The following DDR2 variants were observed in gnomAD, a reference collection of about 807,000 sequenced individuals.
DDR2 encodes the protein discoidin domain-containing receptor 2.
A neutral mutation model predicts 94.9 loss-of-function variants in DDR2; 27 were observed. That is an observed-to-expected ratio of 0.28 (90% CI 0.21 to 0.39). The LOEUF (loss-of-function observed/expected upper bound fraction) is 0.39, where lower values mean the gene tolerates loss of function less well. DDR2 is among the 10% of genes least tolerant of loss of function. The pLI is 1.00. For synonymous variants in DDR2, 382 were observed against 377.2 expected (o/e 1.01, Z -0.15); for missense variants, 783 against 1,076.0 (o/e 0.73, Z 3.81).
At chr1:162,727,369 T>C (rs1409878972) in intron 3 of DDR2, among the ~76,000 whole-genome samples, 1 of 144,122 alleles carries the variant, frequency 6.9e-6, no homozygotes, top group Non-Finnish European at 1.5e-5. Flanking sequence ...TTTATGTATG[T>C]ATTTATATAT....
intron 2 of DDR2, among the ~76,000 whole-genome samples, chr1:162,686,269 A>G (rs189278903): frequency 6.6e-6 from 1 of 152,066 alleles, no homozygotes; most frequent in Non-Finnish European, 1.5e-5. Flanking sequence ...TTGCATAGGC[A>G]TGCATGTGCC....
At chr1:162,770,209 T>C in intron 11 of DDR2, 93 bp from the exon 12 acceptor site, 1 of 1,261,052 alleles carries the variant, frequency 7.9e-7, no homozygotes, top group Admixed American at 1.7e-5. Flanking sequence ...TAAAGAGTTA[T>C]TTCATTTGAG....
At chr1:162,698,087 G>T (rs1399195745) in intron 2 of DDR2, among the ~76,000 whole-genome samples, 2 of 152,208 alleles carry the variant, frequency 1.3e-5, no homozygotes, top group Non-Finnish European at 2.9e-5. Context: ...AATGTCTGCA[G>T]TTTATCTGCT....
At chr1:162,779,494 C>T (rs573376719) in intron 17 of DDR2, among the ~76,000 whole-genome samples, 1 of 152,284 alleles carries the variant, frequency 6.6e-6, no homozygotes, top group African/African-American at 2.4e-5. Flanking sequence ...AGTGGATCTT[C>T]TGTGGCTTGA....
At chr1:162,757,241 G>A (rs1215565885) in intron 7 of DDR2, among the ~76,000 whole-genome samples, 2 of 152,164 alleles carry the variant, frequency 1.3e-5, no homozygotes, top group Non-Finnish European at 1.5e-5. Context: ...AAATTGCTAT[G>A]CACATATAAG....
chr1:162,643,013 G>A (rs1358798897), intron 1 of DDR2, among the ~76,000 whole-genome samples: 1 of 152,098 alleles, frequency 6.6e-6, no homozygotes, highest in Non-Finnish European at 1.5e-5. Flanking sequence ...ATTCCTTCAA[G>A]GGCGGCTGAA....
chr1:162,758,501 C>A (rs1192992506), intron 7 of DDR2, among the ~76,000 whole-genome samples: 1 of 152,078 alleles, frequency 6.6e-6, no homozygotes, highest in Non-Finnish European at 1.5e-5. Flanking sequence ...TTTCATAAAA[C>A]TTTCCTGGGA....
Position 162,756,227 on chromosome 1 carries a change from C to A in DDR2, c.671+458C>A, listed in dbSNP as rs115869815. 5.0e-3 allele frequency among the ~76,000 whole-genome samples: 762 copies of A among 152,184 alleles called. 3 individuals are homozygous for A. Among genetic ancestry groups the A allele is most frequent in the African/African-American group, 0.017 (724 of 41,522 alleles). ...GTAAAAAGGGGACTAGTAAGACTTA[C>A]AATAGACAAGGAAAGTTCTAGGTTA... On this transcript the variant is annotated intron_variant, in intron 7 of 17. Coordinates refer to ENST00000367921, the MANE Select transcript of DDR2 (RefSeq NM_006182.4).
Position 162,686,789 on chromosome 1 carries a change from G to C in DDR2, c.-28+31415G>C, listed in dbSNP as rs546754402. Among the ~76,000 whole-genome samples the C allele has an allele frequency of 3.3e-5, 5 of 152,318 alleles. No homozygotes were observed. In the East Asian group the frequency reaches 7.7e-4, roughly 24 times the overall value. On this transcript the variant is annotated intron_variant, in intron 2 of 17. Coordinates refer to ENST00000367921, the MANE Select transcript of DDR2 (RefSeq NM_006182.4). ...AATGGGGTTTTGCCATATTGGCCAGGCTGGTCTTGAACTCCTAACCTCAGG... is the reference window on the plus strand; with the variant it reads ...AATGGGGTTTTGCCATATTGGCCAGCCTGGTCTTGAACTCCTAACCTCAGG...
intron 7 of DDR2, among the ~76,000 whole-genome samples, chr1:162,756,621 C>T (rs751899453): frequency 4.3e-4 from 65 of 152,182 alleles, no homozygotes; most frequent in Non-Finnish European, 7.8e-4. Flanking sequence ...TGACAGGGCT[C>T]GAGAGAAGGA....
At chr1:162,693,834 T>A (rs1170291601) in intron 2 of DDR2, among the ~76,000 whole-genome samples, 1 of 152,148 alleles carries the variant, frequency 6.6e-6, no homozygotes, top group East Asian at 1.9e-4. Flanking sequence ...TGCATTGGGA[T>A]CCTTGGCCTC....
chr1:162,735,049 T>C (rs1467016147), intron 3 of DDR2, among the ~76,000 whole-genome samples: 6 of 152,144 alleles, frequency 3.9e-5, no homozygotes, highest in Non-Finnish European at 5.9e-5. Context: ...AGGTAGGATT[T>C]GTAGAACTTG....
At chr1:162,722,650 A>G (rs1177138492) in intron 3 of DDR2, among the ~76,000 whole-genome samples, 3 of 152,252 alleles carry the variant, frequency 2.0e-5, no homozygotes, top group African/African-American at 7.2e-5. Context: ...TAACTTAGAA[A>G]AAAGTATTTA....
chr1:162,760,062 T>C lies in DDR2; in HGVS notation c.855+83T>C, dbSNP rs1407609771. 2.5e-6 allele frequency: 4 copies of C among 1,572,600 alleles called. No homozygotes were observed. In the African/African-American group the frequency reaches 4.1e-5, roughly 16 times the overall value. ...AGAGAAAAGGCATGCTAGAAAAAAG[T>C]CTAGGCTGATGCCAGTTCAATGACA... On this transcript the variant is annotated intron_variant, in intron 8 of 17. Coordinates refer to ENST00000367921, the MANE Select transcript of DDR2 (RefSeq NM_006182.4).
chr1:162,676,177 G>A (rs988426027), intron 2 of DDR2, among the ~76,000 whole-genome samples: 3 of 151,830 alleles, frequency 2.0e-5, no homozygotes, highest in Non-Finnish European at 4.4e-5. Flanking sequence ...CAAGAATGGT[G>A]TCTAACACTT....
At chr1:162,756,675 C>A (rs1663479934) in intron 7 of DDR2, among the ~76,000 whole-genome samples, 1 of 152,166 alleles carries the variant, frequency 6.6e-6, no homozygotes, top group Non-Finnish European at 1.5e-5. Flanking sequence ...TTACAGCCTT[C>A]TACTGGCTTA....
rs904508385 is a variant in DDR2 at position 162,781,951 on chromosome 1, T to G, written c.*1705T>G. On this transcript the variant is annotated 3_prime_UTR_variant, in exon 18 of 18. Coordinates refer to ENST00000367921, the MANE Select transcript of DDR2 (RefSeq NM_006182.4). The stretch of plus-strand genomic sequence containing the variant: ...TCTCAGGAACATGTGTATTTCCCCA[T>G]TCAGCTTTCAGCATTGCTCCACGCC... 6.6e-6 allele frequency: 1 copy of G among 152,272 alleles called. No individual in the cohort carries two copies. Among genetic ancestry groups the G allele is most frequent in the Non-Finnish European group, 1.5e-5 (1 of 68,078 alleles). 9.4% of individuals were successfully genotyped at this position (152,272 alleles called of 1,614,324 possible). A position where few individuals can be genotyped will look rare whatever the true frequency, so the allele number is the denominator to read the frequency against.
At chr1:162,772,610 C>G (rs537375906) in intron 13 of DDR2, among the ~76,000 whole-genome samples, 1 of 152,246 alleles carries the variant, frequency 6.6e-6, no homozygotes, top group South Asian at 2.1e-4. Context: ...TACTCAATAG[C>G]CACTTTGTTT....
intron 14 of DDR2, among the ~76,000 whole-genome samples, chr1:162,773,900 G>T (rs1647370861): frequency 2.0e-5 from 3 of 152,030 alleles, no homozygotes; most frequent in Admixed American, 2.0e-4. Flanking sequence ...TACTTCTTTG[G>T]TCTTTATACA....
Sources: allele counts gnomAD v4.1 joint callset (sites outside exome capture counted in the v4.1 genomes callset), GRCh38; gene constraint gnomAD v4.1.1; transcripts MANE v1.5; gene names NCBI Gene and HGNC (gene_info 2026-07-23, HGNC 2026-07-21).